AKT3: variants seen among roughly 807,000 people sequenced by gnomAD.
AKT3 encodes the protein AKT serine/threonine kinase 3.
A neutral mutation model predicts 65.3 loss-of-function variants in AKT3; 15 were observed. The observed-to-expected ratio is 0.23, with a 90% CI of 0.15 to 0.35. The LOEUF is 0.35. AKT3 is among the 10% of genes least tolerant of loss of function. AKT3 has a pLI of 1.00. For synonymous variants in AKT3, 206 were observed against 183.8 expected, an observed-to-expected ratio of 1.12 and a Z score of -0.98; for missense variants, 243 against 576.5, an observed-to-expected ratio of 0.42 and a Z score of 5.92.
chr1:243,786,625 T>C (rs13376098), intron 2 of AKT3, among the ~76,000 whole-genome samples: 2,736 of 152,154 alleles, frequency 0.018, 74 homozygotes, highest in African/African-American at 0.063. Context: ...AATAAGTATG[T>C]AATAAGCAAA....
intron 10 of AKT3, among the ~76,000 whole-genome samples, chr1:243,557,734 C>T (rs377268789): frequency 6.6e-6 from 1 of 151,996 alleles, no homozygotes; most frequent in African/African-American, 2.4e-5. Context: ...CTGAACTCAT[C>T]CCTCTACTCC....
intron 12 of AKT3, among the ~76,000 whole-genome samples, chr1:243,537,841 C>G (rs1185163596): frequency 2.0e-5 from 3 of 152,194 alleles, no homozygotes; most frequent in Non-Finnish European, 2.9e-5. Flanking sequence ...TCATTCACTT[C>G]TCTTGTTACT....
At chr1:243,831,627 A>G (rs1172709979) in intron 2 of AKT3, among the ~76,000 whole-genome samples, 1 of 152,226 alleles carries the variant, frequency 6.6e-6, no homozygotes, top group Non-Finnish European at 1.5e-5. Context: ...CTATGGAAAC[A>G]GTTACTCAAA....
At chr1:243,498,912 G>C (rs1668767588), downstream of AKT3, among the ~76,000 whole-genome samples, 1 of 152,218 alleles carries the variant, frequency 6.6e-6, no homozygotes, top group South Asian at 2.1e-4. Flanking sequence ...ACCGGGATTT[G>C]GAAAATACCA....
intron 2 of AKT3, among the ~76,000 whole-genome samples, chr1:243,732,377 C>T (rs1418260746): frequency 6.6e-6 from 1 of 152,222 alleles, no homozygotes; most frequent in East Asian, 1.9e-4. Flanking sequence ...CTTGCTGAGC[C>T]TACCAAAGGG....
intron 9 of AKT3, among the ~76,000 whole-genome samples, chr1:243,572,391 C>T (rs1674626408): frequency 6.6e-6 from 1 of 152,138 alleles, no homozygotes; most frequent in Admixed American, 6.5e-5. Context: ...TTTGCCAATC[C>T]TGAGCTACCC....
chr1:243,524,942 G>A (rs1415934291), intron 12 of AKT3, among the ~76,000 whole-genome samples: 1 of 152,050 alleles, frequency 6.6e-6, no homozygotes, highest in Non-Finnish European at 1.5e-5. Context: ...CCTGAAGGTG[G>A]GCCCCAGCTT....
intron 13 of AKT3, 55 bp downstream of exon 13, chr1:243,512,269 T>C: frequency 1.0e-6 from 1 of 982,444 alleles, no homozygotes; most frequent in Non-Finnish European, 1.5e-6. Flanking sequence ...TTTCTTCAAT[T>C]ACATTAGGAG....
At chr1:243,555,600 C>A (rs1277999069) in intron 10 of AKT3, among the ~76,000 whole-genome samples, 4 of 152,132 alleles carry the variant, frequency 2.6e-5, no homozygotes, top group East Asian at 1.9e-4. Context: ...ATTGCAAATT[C>A]TTTCTGGCTA....
intron 10 of AKT3, among the ~76,000 whole-genome samples, chr1:243,555,626 T>C (rs921579590): frequency 1.6e-4 from 25 of 152,308 alleles, no homozygotes; most frequent in Admixed American, 1.5e-3. Flanking sequence ...GATCATTTTT[T>C]TCTAGCTAAA....
chr1:243,701,059 T>C (rs1685427486), intron 2 of AKT3, among the ~76,000 whole-genome samples: 1 of 152,220 alleles, frequency 6.6e-6, no homozygotes, highest in African/African-American at 2.4e-5. Flanking sequence ...TCATTATTCA[T>C]CAACACTCTA....
At chr1:243,682,871 T>C (rs1288794841) in intron 3 of AKT3, among the ~76,000 whole-genome samples, 1 of 152,216 alleles carries the variant, frequency 6.6e-6, no homozygotes, top group Non-Finnish European at 1.5e-5. Flanking sequence ...GAAGCTTTTC[T>C]TGATGATTCT....
intron 2 of AKT3, among the ~76,000 whole-genome samples, chr1:243,758,895 T>C (rs1420731830): frequency 6.6e-6 from 1 of 152,160 alleles, no homozygotes; most frequent in Non-Finnish European, 1.5e-5. Flanking sequence ...GGACACCTCA[T>C]CTAGAGTCCT....
chr1:243,632,559 A>G (rs1489293372), intron 6 of AKT3, among the ~76,000 whole-genome samples: 1 of 152,200 alleles, frequency 6.6e-6, no homozygotes, highest in African/African-American at 2.4e-5. Flanking sequence ...ATGGTAAAGG[A>G]GCAATGGCTT....
chr1:243,502,068 C>T lies in AKT3; in HGVS notation c.*3181G>A, dbSNP rs1669351578. The T allele has an allele frequency of 4.3e-6, 1 of 232,364 alleles. No individual in the cohort carries two copies. Among genetic ancestry groups the T allele is most frequent in the Non-Finnish European group, 8.5e-6 (1 of 117,672 alleles). The allele number at this position is 232,364 out of a possible 1,614,324, so 14.4% of individuals were successfully genotyped here. A position where few individuals can be genotyped will look rare whatever the true frequency, so the allele number is the denominator to read the frequency against. ...TCAAGAAATGTCACAAACTATAAAG[C>T]TACAGGGAGGTAATTCAATTACCAA... On this transcript the variant is annotated 3_prime_UTR_variant, in exon 14 of 14. Transcript: ENST00000673466.
chr1:243,559,351 A>G (rs1476262818), intron 10 of AKT3, among the ~76,000 whole-genome samples: 1 of 152,180 alleles, frequency 6.6e-6, no homozygotes, highest in Admixed American at 6.6e-5. Context: ...CCTTTTCTAC[A>G]TTAGCAGTAT....
intron 2 of AKT3, among the ~76,000 whole-genome samples, chr1:243,709,368 C>T (rs1449846426): frequency 6.6e-6 from 1 of 151,212 alleles, no homozygotes; most frequent in African/African-American, 2.4e-5. Context: ...TTTGACACAG[C>T]AAGATCTCAC....
intron 12 of AKT3, among the ~76,000 whole-genome samples, chr1:243,530,931 T>C (rs1671480981): frequency 6.6e-6 from 1 of 152,224 alleles, no homozygotes; most frequent in Non-Finnish European, 1.5e-5. Context: ...GTTTAAGCAT[T>C]AAGAGTAGAA....
At chr1:243,628,588 A>G (rs569217617) in intron 6 of AKT3, among the ~76,000 whole-genome samples, 76 of 152,294 alleles carry the variant, frequency 5.0e-4, no homozygotes, top group Non-Finnish European at 9.0e-4. Flanking sequence ...TGCAGCCATG[A>G]GTCATCACGC....
Sources: allele counts gnomAD v4.1 joint callset (sites outside exome capture counted in the v4.1 genomes callset), GRCh38; gene constraint gnomAD v4.1.1; transcripts MANE v1.5; gene names NCBI Gene and HGNC (gene_info 2026-07-23, HGNC 2026-07-21).